The following PTPRT variants were observed in gnomAD, a reference collection of about 807,000 sequenced individuals.
PTPRT encodes protein tyrosine phosphatase receptor type T.
A neutral mutation model predicts 176.8 loss-of-function variants in PTPRT; 56 were observed. That is an observed-to-expected ratio of 0.32 (90% CI 0.26 to 0.40). The LOEUF (loss-of-function observed/expected upper bound fraction) is 0.40. PTPRT is among the 10% of genes least tolerant of loss of function. The probability of loss-of-function intolerance (pLI) is 1.00; values close to 1 mark genes in which losing one functional copy is unlikely to be tolerated. For missense variants in PTPRT, 1,540 were observed against 1,908.2 expected, an observed-to-expected ratio of 0.81 and a Z score of 3.60; for synonymous variants, 783 against 739.0, an observed-to-expected ratio of 1.06 and a Z score of -0.96.
chr20:42,942,865 A>G (rs1341303897), intron 1 of PTPRT, among the ~76,000 whole-genome samples: 1 of 152,204 alleles, frequency 6.6e-6, no homozygotes, highest in Non-Finnish European at 1.5e-5. Flanking sequence ...AGTGTTCAAT[A>G]AATGTCTATT....
intron 7 of PTPRT, among the ~76,000 whole-genome samples, chr20:42,588,238 G>A (rs1037951237): frequency 6.6e-6 from 1 of 152,172 alleles, no homozygotes; most frequent in East Asian, 1.9e-4. Flanking sequence ...GAGGTTAGGA[G>A]CTTAAGACCA....
chr20:42,142,072 C>T (rs1454018140), intron 17 of PTPRT, 70 bp from the exon 18 acceptor site: 26 of 1,353,882 alleles, frequency 1.9e-5, no homozygotes, highest in East Asian at 4.6e-5. Flanking sequence ...GATGAACCAA[C>T]AGGGCAAAGT....
At chr20:42,582,050 AG>A (rs1452463108) in intron 7 of PTPRT, among the ~76,000 whole-genome samples, 3 of 152,242 alleles carry the variant, frequency 2.0e-5, no homozygotes, top group Non-Finnish European at 4.4e-5. Context: ...CCAGCACTCC[AG>A]GTTACTTGCT....
intron 11 of PTPRT, among the ~76,000 whole-genome samples, chr20:42,332,502 G>A (rs760612796): frequency 1.2e-4 from 19 of 152,084 alleles, no homozygotes; most frequent in Non-Finnish European, 2.1e-4. Flanking sequence ...GAGCCACTGC[G>A]CCCGGCCAGA....
At chr20:42,691,374 T>C (rs2075790736) in intron 6 of PTPRT, among the ~76,000 whole-genome samples, 1 of 152,224 alleles carries the variant, frequency 6.6e-6, no homozygotes, top group Non-Finnish European at 1.5e-5. Flanking sequence ...TGTCTGTGGC[T>C]TTAGAGATAT....
intron 16 of PTPRT, among the ~76,000 whole-genome samples, chr20:42,171,417 A>T (rs1214224556): frequency 1.3e-5 from 2 of 152,218 alleles, no homozygotes; most frequent in Middle Eastern, 3.2e-3. Flanking sequence ...TAAAATTTCC[A>T]ATTGTATTAA....
intron 23 of PTPRT, among the ~76,000 whole-genome samples, chr20:42,108,760 A>G (rs1374100529): frequency 6.6e-6 from 1 of 152,164 alleles, no homozygotes; most frequent in Non-Finnish European, 1.5e-5. Context: ...TAGAGTGCTT[A>G]CTATATGTCA....
At chr20:42,977,022 C>T (rs115912288) in intron 1 of PTPRT, among the ~76,000 whole-genome samples, 3,606 of 152,152 alleles carry the variant, frequency 0.024, 104 homozygotes, top group African/African-American at 0.066. Context: ...ACAGCACTGC[C>T]GAAGCCAGCC....
intron 2 of PTPRT, among the ~76,000 whole-genome samples, chr20:42,838,784 C>G (rs2078225585): frequency 6.6e-6 from 1 of 152,220 alleles, no homozygotes; most frequent in Non-Finnish European, 1.5e-5. Flanking sequence ...TCTCCCTTTC[C>G]CATTTTTTCA....
intron 1 of PTPRT, among the ~76,000 whole-genome samples, chr20:42,914,863 T>G (rs1180421828): frequency 2.0e-5 from 3 of 151,208 alleles, no homozygotes; most frequent in Non-Finnish European, 2.9e-5. Context: ...AAAAAATCCT[T>G]AAAAGTGTAC....
chr20:42,559,152 T>C (rs998094512), intron 7 of PTPRT, among the ~76,000 whole-genome samples: 2 of 152,216 alleles, frequency 1.3e-5, no homozygotes, highest in African/African-American at 4.8e-5. Flanking sequence ...GGCTTAAATC[T>C]ATATAAATTT....
At chr20:42,192,209 A>G (rs751917452) in intron 16 of PTPRT, among the ~76,000 whole-genome samples, 2 of 152,114 alleles carry the variant, frequency 1.3e-5, no homozygotes, top group Non-Finnish European at 2.9e-5. Flanking sequence ...GCCAGAGAAG[A>G]TCAGGGTCAG....
chr20:42,686,624 C>T (rs1237633669), intron 6 of PTPRT, among the ~76,000 whole-genome samples: 2 of 151,786 alleles, frequency 1.3e-5, no homozygotes, highest in Non-Finnish European at 2.9e-5. Context: ...GCTAGAACTA[C>T]AGGTGCTACA....
At chr20:42,149,341 T>C (rs1442813726) in intron 17 of PTPRT, among the ~76,000 whole-genome samples, 1 of 151,914 alleles carries the variant, frequency 6.6e-6, no homozygotes, top group Admixed American at 6.6e-5. Flanking sequence ...GGCTTGGGGT[T>C]GGGGCAGGGT....
intron 7 of PTPRT, among the ~76,000 whole-genome samples, chr20:42,655,138 T>C (rs1403358132): frequency 6.6e-6 from 1 of 151,882 alleles, no homozygotes; most frequent in African/African-American, 2.4e-5. Context: ...AAATCACATT[T>C]AAAAATACAT....
intron 7 of PTPRT, among the ~76,000 whole-genome samples, chr20:42,567,380 G>A (rs945200205): frequency 3.9e-5 from 6 of 152,020 alleles, no homozygotes; most frequent in African/African-American, 1.2e-4. Context: ...CTGCAGCCAC[G>A]CCTACCCTAA....
intron 16 of PTPRT, among the ~76,000 whole-genome samples, chr20:42,194,729 G>A (rs1293109897): frequency 2.6e-5 from 4 of 152,106 alleles, no homozygotes; most frequent in East Asian, 3.8e-4. Flanking sequence ...AACAATGCAC[G>A]TTGTTTGTCC....
intron 1 of PTPRT, among the ~76,000 whole-genome samples, chr20:43,188,125 C>T (rs1166444223): frequency 6.6e-6 from 1 of 152,170 alleles, no homozygotes; most frequent in Non-Finnish European, 1.5e-5. Context: ...ATCTGAGTCA[C>T]GAATCATGCC....
chr20:43,117,410 T>C (rs533003202), intron 1 of PTPRT, among the ~76,000 whole-genome samples: 1 of 152,296 alleles, frequency 6.6e-6, no homozygotes, highest in East Asian at 1.9e-4. Flanking sequence ...AGTCAACTTC[T>C]AAAGCCTTCC....
Sources: allele counts gnomAD v4.1 joint callset (sites outside exome capture counted in the v4.1 genomes callset), GRCh38; gene constraint gnomAD v4.1.1; transcripts MANE v1.5; gene names NCBI Gene and HGNC (gene_info 2026-07-23, HGNC 2026-07-21).